Variants in ARHGAP32 observed in about 807,000 individuals in gnomAD.
ARHGAP32 encodes the protein rho GTPase-activating protein 32.
In ARHGAP32, 51 loss-of-function variants were observed where a neutral mutation model predicts 186.5. The observed-to-expected ratio is 0.27, with a 90% CI of 0.22 to 0.35. ARHGAP32 has a LOEUF of 0.35. ARHGAP32 is among the 10% of genes least tolerant of loss of function. The pLI, the probability that ARHGAP32 is intolerant of heterozygous loss-of-function variation, is 1.00. For synonymous variants in ARHGAP32, 950 were observed against 964.3 expected, an observed-to-expected ratio of 0.99 and a Z score of 0.27; for missense variants, 2,186 against 2,623.5, an observed-to-expected ratio of 0.83 and a Z score of 3.64.
At chr11:129,174,367 G>A (rs1279841147) in intron 1 of ARHGAP32, among the ~76,000 whole-genome samples, 26 of 152,158 alleles carry the variant, frequency 1.7e-4, no homozygotes, top group Admixed American at 1.6e-3. Flanking sequence ...GCTCGGGGAG[G>A]GGCGCCCACC....
chr11:129,170,796 A>T (rs1404939924), intron 1 of ARHGAP32, among the ~76,000 whole-genome samples: 1 of 152,170 alleles, frequency 6.6e-6, no homozygotes, highest in African/African-American at 2.4e-5. Flanking sequence ...ACAGTGTAAA[A>T]GTGTTTGTAT....
intron 1 of ARHGAP32, among the ~76,000 whole-genome samples, chr11:129,272,367 T>C (rs192174727): frequency 7.2e-4 from 109 of 152,312 alleles, no homozygotes; most frequent in Non-Finnish European, 7.4e-5. Flanking sequence ...CTTTGCAGGT[T>C]GAATAATATG....
chr11:129,064,137 T>TA (rs1940608327), intron 8 of ARHGAP32, 113 bp from the exon 9 acceptor site: 1 of 662,136 alleles, frequency 1.5e-6, no homozygotes. Context: ...CCAAAGAGTC[T>TA]TAAAAAAAAA....
upstream of ARHGAP32, chr11:129,279,347 C>A (rs1945581336): frequency 6.9e-6 from 1 of 145,390 alleles, no homozygotes; most frequent in African/African-American, 2.5e-5. Flanking sequence ...AGCGCCTCAT[C>A]CCGCCTCGCG....
chr11:129,207,045 G>A (rs1944523640), intron 1 of ARHGAP32, among the ~76,000 whole-genome samples: 1 of 151,998 alleles, frequency 6.6e-6, no homozygotes, highest in Admixed American at 6.6e-5. Context: ...GAGAATGATG[G>A]TTTCCAGCAT....
chr11:129,023,956 C>T (rs1442781359), intron 11 of ARHGAP32: 11 of 985,308 alleles, frequency 1.1e-5, no homozygotes, highest in Middle Eastern at 5.2e-4. Flanking sequence ...CTCTGCATTC[C>T]GTACAAGAGT....
Position 128,973,165 on chromosome 11 carries a change from GT to G in ARHGAP32, c.3340del (p.Thr1114ProfsTer46). ...AVALDKAYFQ[T>X]DRPAEQFHLQ... Reference sequence around the variant, plus strand: ...GTGGAACTGCTCTGCTGGTCGATCGGTTTGGAAATAGGCCTTATCTAGAGCA... The same window carrying G: ...GTGGAACTGCTCTGCTGGTCGATCGGTTGGAAATAGGCCTTATCTAGAGCA... On this transcript the variant is annotated frameshift_variant, in exon 22 of 23. Coordinates refer to ENST00000682385, the MANE Select transcript of ARHGAP32 (RefSeq NM_001378024.1). LOFTEE classifies it high-confidence loss of function. 1 of 1,614,190 alleles carries G rather than the reference GT, an allele frequency of 6.2e-7. No individual in the cohort carries two copies. Among genetic ancestry groups the G allele is most frequent in the Non-Finnish European group, 8.5e-7 (1 of 1,180,032 alleles).
chr11:129,146,260 T>C (rs142438801), intron 2 of ARHGAP32, among the ~76,000 whole-genome samples: 72 of 152,290 alleles, frequency 4.7e-4, no homozygotes, highest in Non-Finnish European at 8.8e-4. Flanking sequence ...ACCTTATCTA[T>C]GATTTCAGTT....
chr11:129,129,389 G>A (rs1438100220), intron 2 of ARHGAP32, among the ~76,000 whole-genome samples: 2 of 149,246 alleles, frequency 1.3e-5, no homozygotes, highest in African/African-American at 2.5e-5. Context: ...CCCTCCGCCC[G>A]GCAGCCGCCC....
intron 2 of ARHGAP32, among the ~76,000 whole-genome samples, chr11:129,153,424 CAAAG>C (rs1437633137): frequency 1.3e-5 from 2 of 151,966 alleles, no homozygotes; most frequent in African/African-American, 4.8e-5. Context: ...CCCACATAGA[CAAAG>C]AAAGACTAAG....
intron 1 of ARHGAP32, among the ~76,000 whole-genome samples, chr11:129,270,527 GA>G (rs1229632618): frequency 6.6e-6 from 1 of 151,412 alleles, no homozygotes; most frequent in Admixed American, 6.6e-5. Context: ...GAACAAGTGG[GA>G]AAAATGAGTG....
intron 11 of ARHGAP32, chr11:129,024,275 A>C: frequency 2.2e-6 from 1 of 454,294 alleles, no homozygotes; most frequent in Non-Finnish European, 2.9e-6. Flanking sequence ...TCAACCCCAC[A>C]CAGGTGAGCA....
chr11:129,018,395 G>A (rs1033119487), intron 11 of ARHGAP32, among the ~76,000 whole-genome samples: 1 of 152,160 alleles, frequency 6.6e-6, no homozygotes, highest in Admixed American at 6.6e-5. Context: ...ACCTTAAATA[G>A]CAGCAAAGAA....
chr11:129,128,263 T>C (rs1396258629), intron 2 of ARHGAP32, among the ~76,000 whole-genome samples: 1 of 152,178 alleles, frequency 6.6e-6, no homozygotes, highest in African/African-American at 2.4e-5. Flanking sequence ...TAATGCAAAT[T>C]GCCATGTAGT....
intron 1 of ARHGAP32, among the ~76,000 whole-genome samples, chr11:129,233,661 A>G (rs1293463790): frequency 6.6e-6 from 1 of 151,814 alleles, no homozygotes; most frequent in African/African-American, 2.4e-5. Context: ...TGTTTTGGGG[A>G]TAATGGAAAA....
intron 5 of ARHGAP32, among the ~76,000 whole-genome samples, chr11:129,097,387 T>C (rs1474685494): frequency 6.6e-6 from 1 of 152,120 alleles, no homozygotes; most frequent in Non-Finnish European, 1.5e-5. Flanking sequence ...ACAACTATCT[T>C]AAAGATGTTC....
At chr11:129,051,882 G>T (rs1394124206) in intron 10 of ARHGAP32, among the ~76,000 whole-genome samples, 4 of 144,380 alleles carry the variant, frequency 2.8e-5, no homozygotes, top group Non-Finnish European at 6.0e-5. Flanking sequence ...TTGAACCCAG[G>T]AGGCGGAGGT....
chr11:129,264,469 C>T (rs11221625), intron 1 of ARHGAP32, among the ~76,000 whole-genome samples: 30,797 of 152,018 alleles, frequency 0.2, 3,258 homozygotes, highest in East Asian at 0.24. Flanking sequence ...TCAGATAATA[C>T]ATGTAAGGGG....
intron 2 of ARHGAP32, among the ~76,000 whole-genome samples, chr11:129,157,045 A>C (rs540000731): frequency 6.6e-6 from 1 of 152,336 alleles, no homozygotes; most frequent in Admixed American, 6.5e-5. Context: ...ATTAACAAAA[A>C]GGACGTACAC....
Sources: gnomAD v4.1 joint callset for allele counts (sites outside exome capture counted in the v4.1 genomes callset) on GRCh38, gnomAD v4.1.1 for gene constraint, MANE v1.5 for transcripts, NCBI Gene and HGNC (gene_info 2026-07-23, HGNC 2026-07-21) for gene names.